SRBD1: variants seen among roughly 807,000 people sequenced by gnomAD.
The protein encoded by SRBD1 is S1 RNA binding domain 1.
In SRBD1, 88 loss-of-function variants were observed where a neutral mutation model predicts 115.3. The observed-to-expected ratio is 0.76, with a 90% CI of 0.64 to 0.91. SRBD1 has a LOEUF of 0.91. Ranked by LOEUF, SRBD1 falls within the 40% of genes least tolerant of loss-of-function variation. The pLI is 0.00. For synonymous variants in SRBD1, 509 were observed against 407.7 expected (o/e 1.25, Z -2.99); for missense variants, 1,385 against 1,177.4 (o/e 1.18, Z -2.58).
At chr2:45,429,412 T>C (rs1451285652) in intron 16 of SRBD1, among the ~76,000 whole-genome samples, 3 of 152,024 alleles carry the variant, frequency 2.0e-5, no homozygotes, top group Admixed American at 1.3e-4. Flanking sequence ...ACTGGCAAAC[T>C]GATTCCAACA....
At chr2:45,464,641 C>T (rs972982445) in intron 16 of SRBD1, among the ~76,000 whole-genome samples, 4 of 152,126 alleles carry the variant, frequency 2.6e-5, no homozygotes, top group Admixed American at 6.5e-5. Flanking sequence ...AATATGTTAA[C>T]GAGGCCTTCA....
intron 3 of SRBD1, among the ~76,000 whole-genome samples, chr2:45,600,728 G>A (rs771659727): frequency 4.6e-4 from 70 of 152,290 alleles, no homozygotes; most frequent in African/African-American, 1.6e-3. Flanking sequence ...ACTGGGTATA[G>A]TGTAAATAAG....
At chr2:45,436,244 C>T (rs1485376800) in intron 16 of SRBD1, among the ~76,000 whole-genome samples, 1 of 152,006 alleles carries the variant, frequency 6.6e-6, no homozygotes, top group Non-Finnish European at 1.5e-5. Context: ...AAACTAAGAA[C>T]AAACGGGAAA....
chr2:45,410,226 C>A (rs76592835), intron 19 of SRBD1, among the ~76,000 whole-genome samples: 23 of 152,252 alleles, frequency 1.5e-4, no homozygotes, highest in African/African-American at 5.1e-4. Context: ...TGGCTAAAAA[C>A]AACCATCACC....
At chr2:45,402,213 G>A (rs1461271021) in intron 19 of SRBD1, among the ~76,000 whole-genome samples, 3 of 152,136 alleles carry the variant, frequency 2.0e-5, no homozygotes, top group East Asian at 3.9e-4. Flanking sequence ...GAATCCTTGT[G>A]TATCTGTTGG....
At chr2:45,420,828 T>C (rs910534765) in intron 16 of SRBD1, among the ~76,000 whole-genome samples, 4 of 152,256 alleles carry the variant, frequency 2.6e-5, no homozygotes, top group Admixed American at 6.5e-5. Context: ...GAAGCTTTGA[T>C]GATAGTAGCA....
chr2:45,598,119 G>A (rs1001378080), intron 4 of SRBD1, among the ~76,000 whole-genome samples: 2 of 152,198 alleles, frequency 1.3e-5, no homozygotes, highest in Non-Finnish European at 2.9e-5. Context: ...TCTGATGCAG[G>A]TAGTCCATGG....
chr2:45,488,617 T>G (rs1670194831), intron 14 of SRBD1, among the ~76,000 whole-genome samples: 1 of 152,186 alleles, frequency 6.6e-6, no homozygotes, highest in Admixed American at 6.5e-5. Flanking sequence ...GTTTATAGAT[T>G]AATACAATGA....
chr2:45,424,216 G>C (rs932558567), intron 16 of SRBD1, among the ~76,000 whole-genome samples: 1 of 151,886 alleles, frequency 6.6e-6, no homozygotes, highest in Non-Finnish European at 1.5e-5. Context: ...ACTGCATTTA[G>C]TTGCCTCATA....
rs1666916214 is a variant in SRBD1, at chr2:45,388,812, G to C, written c.*498C>G. ...GTATATTTTTGGCTTGCATGACAAGGGAAAAGAGATTATTGCAAAATTATG... is the reference window on the plus strand; with the variant it reads ...GTATATTTTTGGCTTGCATGACAAGCGAAAAGAGATTATTGCAAAATTATG... On this transcript the variant is annotated 3_prime_UTR_variant, in exon 21 of 21. Coordinates refer to ENST00000263736, the MANE Select transcript of SRBD1 (RefSeq NM_018079.5). 6.5e-6 allele frequency: 1 copy of C among 153,738 alleles called. No individual in the cohort carries two copies. The highest frequency in any genetic ancestry group is 1.4e-5 in the Non-Finnish European group (1 of 69,180). 9.5% of individuals were successfully genotyped at this position (153,738 alleles called of 1,614,324 possible).
At chr2:45,523,408 G>A (rs1170843887) in intron 14 of SRBD1, among the ~76,000 whole-genome samples, 1 of 151,526 alleles carries the variant, frequency 6.6e-6, no homozygotes, top group Non-Finnish European at 1.5e-5. Context: ...GAACTCAAAA[G>A]TTGGTTCTTA....
At chr2:45,535,068 G>C (rs1279032958) in intron 14 of SRBD1, among the ~76,000 whole-genome samples, 1 of 151,944 alleles carries the variant, frequency 6.6e-6, no homozygotes, top group Non-Finnish European at 1.5e-5. Flanking sequence ...TTTTGGTTCT[G>C]ATTCTAACAC....
chr2:45,537,029 ATTCTT>A (rs1477968943), intron 14 of SRBD1, among the ~76,000 whole-genome samples: 1 of 152,212 alleles, frequency 6.6e-6, no homozygotes, highest in African/African-American at 2.4e-5. Flanking sequence ...TCTATTTCCT[ATTCTT>A]TTCTATTTAA....
rs188881328 is a variant in SRBD1, at chr2:45,477,242, C to T, written c.1967-167G>A. Among the ~76,000 whole-genome samples the T allele has an allele frequency of 4.5e-3, 682 of 152,190 alleles. 3 individuals are homozygous for T. Among genetic ancestry groups the T allele is most frequent in the Non-Finnish European group, 7.4e-3 (504 of 67,988 alleles). On this transcript the variant is annotated intron_variant, in intron 15 of 20. Transcript: ENST00000263736. ...TTCAAAGTTCTCTTTTTTCCCCACACAAAAAGTAAATGCAAAATTTCATGA... is the reference window on the plus strand; with the variant it reads ...TTCAAAGTTCTCTTTTTTCCCCACATAAAAAGTAAATGCAAAATTTCATGA...
At chr2:45,503,857 T>C (rs1449604410) in intron 14 of SRBD1, among the ~76,000 whole-genome samples, 1 of 152,184 alleles carries the variant, frequency 6.6e-6, no homozygotes, top group Non-Finnish European at 1.5e-5. Context: ...GCTATTTCTA[T>C]AACCTAAGAC....
At chr2:45,546,878 G>A (rs754836564) in intron 13 of SRBD1, 39 bp from the exon 14 acceptor site, 2 of 1,582,006 alleles carry the variant, frequency 1.3e-6, no homozygotes, top group Admixed American at 3.3e-5. Flanking sequence ...GAATTTCAAG[G>A]CATGCTTTGA....
At chr2:45,601,052 A>G (rs1191854354) in intron 3 of SRBD1, among the ~76,000 whole-genome samples, 1 of 152,152 alleles carries the variant, frequency 6.6e-6, no homozygotes, top group Admixed American at 6.6e-5. Context: ...CCCAGGCCTA[A>G]AAGAGTTGAT....
At chr2:45,400,151 G>A (rs1373396612) in intron 19 of SRBD1, among the ~76,000 whole-genome samples, 2 of 152,096 alleles carry the variant, frequency 1.3e-5, no homozygotes, top group Non-Finnish European at 2.9e-5. Flanking sequence ...GGGCAAAAAC[G>A]TTATTCCATT....
chr2:45,558,282 T>C (rs73927543), intron 10 of SRBD1, among the ~76,000 whole-genome samples: 7,676 of 152,208 alleles, frequency 0.05, 662 homozygotes, highest in African/African-American at 0.18. Flanking sequence ...CTGAGCAACA[T>C]AGTGAGATAA....
Sources: gnomAD v4.1 joint callset for allele counts (sites outside exome capture counted in the v4.1 genomes callset) on GRCh38, gnomAD v4.1.1 for gene constraint, MANE v1.5 for transcripts, NCBI Gene and HGNC (gene_info 2026-07-23, HGNC 2026-07-21) for gene names.